The following CD247 variants were observed in gnomAD, a reference collection of about 807,000 sequenced individuals.
CD247 encodes T-cell surface glycoprotein CD3 zeta chain.
In CD247, 13 loss-of-function variants were observed where a neutral mutation model predicts 30.0. That is an observed-to-expected ratio of 0.43 (90% CI 0.28 to 0.69). CD247 has a LOEUF of 0.69. Among genes scored for constraint, CD247 ranks in the 30% least tolerant of loss-of-function variants. The probability of loss-of-function intolerance (pLI) is 0.16; values close to 1 mark genes in which losing one functional copy is unlikely to be tolerated. For synonymous variants in CD247, 72 were observed against 80.0 expected (o/e 0.90, Z 0.53); for missense variants, 193 against 212.6 (o/e 0.91, Z 0.57).
chr1:167,446,630 G>T (rs955261954), intron 1 of CD247, among the ~76,000 whole-genome samples: 1 of 152,180 alleles, frequency 6.6e-6, no homozygotes, highest in African/African-American at 2.4e-5. Flanking sequence ...CACGGTTGGG[G>T]ACAGAACCTG....
At chr1:167,466,599 T>C (rs1653258650) in intron 1 of CD247, among the ~76,000 whole-genome samples, 1 of 152,222 alleles carries the variant, frequency 6.6e-6, no homozygotes, top group African/African-American at 2.4e-5. Context: ...AAAACGTGTG[T>C]ATGTGTGTAT....
At position 167,502,182 on chromosome 1, in the gene CD247, T is replaced by C. The variant is rs540244282; in HGVS notation, c.58+16226A>G. ...TATGCTGGAAGTGTCCTTCCCCTAA[T>C]GCCACCTAATGGCAAAGCCCTGTGC... On this transcript the variant is annotated intron_variant, in intron 1 of 7. Coordinates refer to ENST00000362089, the MANE Select transcript of CD247 (RefSeq NM_198053.3). Among the ~76,000 whole-genome samples, 5 of 152,326 alleles carry C rather than the reference T, an allele frequency of 3.3e-5. No individual in the cohort carries two copies. The South Asian group carries it at 8.3e-4, about 25-fold the overall frequency.
At chr1:167,491,357 T>A (rs1478984293) in intron 1 of CD247, among the ~76,000 whole-genome samples, 2 of 152,064 alleles carry the variant, frequency 1.3e-5, no homozygotes, top group Non-Finnish European at 2.9e-5. Flanking sequence ...TCACCTGAGG[T>A]CGGGAGTTCG....
At chr1:167,476,239 C>G (rs1256979875) in intron 1 of CD247, among the ~76,000 whole-genome samples, 1 of 152,058 alleles carries the variant, frequency 6.6e-6, no homozygotes, top group Non-Finnish European at 1.5e-5. Context: ...GCTGAGCTTC[C>G]TGAGGGTGGA....
intron 1 of CD247, among the ~76,000 whole-genome samples, chr1:167,516,448 G>A (rs1020407035): frequency 3.9e-5 from 6 of 152,224 alleles, no homozygotes; most frequent in Admixed American, 6.5e-5. Context: ...GTAAAAAGTA[G>A]ACATTTTAAA....
intron 1 of CD247, among the ~76,000 whole-genome samples, chr1:167,506,271 CCTTTT>C (rs1259446311): frequency 7.8e-4 from 9 of 11,558 alleles, no homozygotes; most frequent in South Asian, 1.4e-3. Flanking sequence ...CTTTTCTTTT[CCTTTT>C]CTTTTCTTTT....
intron 1 of CD247, among the ~76,000 whole-genome samples, chr1:167,461,277 C>T (rs578020561): frequency 6.6e-6 from 1 of 152,376 alleles, no homozygotes; most frequent in South Asian, 2.1e-4. Context: ...GGACCTCTCA[C>T]CTGGACCCAG....
intron 1 of CD247, among the ~76,000 whole-genome samples, chr1:167,473,561 C>G (rs1455849204): frequency 6.6e-6 from 1 of 152,164 alleles, no homozygotes; most frequent in Non-Finnish European, 1.5e-5. Flanking sequence ...TGGGAAGGAA[C>G]AGCCCAGACC....
chr1:167,466,623 G>A (rs1653259709), intron 1 of CD247, among the ~76,000 whole-genome samples: 1 of 152,092 alleles, frequency 6.6e-6, no homozygotes, highest in Admixed American at 6.5e-5. Flanking sequence ...CATATGGATA[G>A]GTACCTATGC....
intron 1 of CD247, among the ~76,000 whole-genome samples, chr1:167,476,344 G>T (rs946868184): frequency 1.3e-5 from 2 of 152,278 alleles, no homozygotes; most frequent in East Asian, 1.9e-4. Context: ...CAAATAGAAT[G>T]AGCCTTTCAG....
intron 1 of CD247, among the ~76,000 whole-genome samples, chr1:167,456,765 G>A (rs1007374457): frequency 1.3e-5 from 2 of 152,212 alleles, no homozygotes; most frequent in Non-Finnish European, 1.5e-5. Context: ...AAAGCTCTCT[G>A]TTGTAGACAC....
intron 1 of CD247, among the ~76,000 whole-genome samples, chr1:167,506,434 G>A (rs752953786): frequency 7.1e-5 from 10 of 141,268 alleles, no homozygotes; most frequent in Non-Finnish European, 1.4e-4. Context: ...TGCAACCTCC[G>A]CCTCCCAGGC....
chr1:167,518,092 C>T (rs1328542458), intron 1 of CD247, among the ~76,000 whole-genome samples: 3 of 152,174 alleles, frequency 2.0e-5, no homozygotes, highest in African/African-American at 7.2e-5. Flanking sequence ...CACTCCCTCT[C>T]CGTTTCTCTA....
At chr1:167,448,031 C>T (rs1182293380) in intron 1 of CD247, among the ~76,000 whole-genome samples, 1 of 152,100 alleles carries the variant, frequency 6.6e-6, no homozygotes, top group Non-Finnish European at 1.5e-5. Context: ...CCATTGACCA[C>T]AGCATCCAGG....
At chr1:167,516,946 T>C (rs1655630802) in intron 1 of CD247, among the ~76,000 whole-genome samples, 1 of 152,218 alleles carries the variant, frequency 6.6e-6, no homozygotes, top group South Asian at 2.1e-4. Context: ...GTGAGGAAAC[T>C]GCAGGTAAAG....
intron 1 of CD247, among the ~76,000 whole-genome samples, chr1:167,473,690 G>A (rs1208836006): frequency 6.6e-6 from 1 of 152,190 alleles, no homozygotes; most frequent in Non-Finnish European, 1.5e-5. Context: ...GCAAGATTAT[G>A]ATGTGTGTCT....
intron 1 of CD247, among the ~76,000 whole-genome samples, chr1:167,510,089 G>C (rs544877604): frequency 1.3e-5 from 2 of 152,270 alleles, no homozygotes; most frequent in East Asian, 3.9e-4. Flanking sequence ...TCAGAACCCA[G>C]ACTGCCAGCC....
chr1:167,505,223 T>C (rs1655066537), intron 1 of CD247, among the ~76,000 whole-genome samples: 1 of 152,138 alleles, frequency 6.6e-6, no homozygotes, highest in Non-Finnish European at 1.5e-5. Context: ...CTGGAACTCC[T>C]GGGCTCAAGC....
chr1:167,458,027 A>G (rs570167569), intron 1 of CD247, among the ~76,000 whole-genome samples: 1 of 152,304 alleles, frequency 6.6e-6, no homozygotes, highest in South Asian at 2.1e-4. Context: ...ACCTGAAAGA[A>G]CATTTTTATG....
Sources: allele counts gnomAD v4.1 joint callset (sites outside exome capture counted in the v4.1 genomes callset), GRCh38; gene constraint gnomAD v4.1.1; transcripts MANE v1.5; gene names NCBI Gene and HGNC (gene_info 2026-07-23, HGNC 2026-07-21).